TNR: variants seen among roughly 807,000 people sequenced by gnomAD.
The protein encoded by TNR is tenascin R.
In TNR, 45 loss-of-function variants were observed where a neutral mutation model predicts 150.4. The ratio of observed to expected loss-of-function variants is 0.30; its 90% CI spans 0.24 to 0.38. The LOEUF is 0.38. Ranked by LOEUF, TNR falls within the 10% of genes least tolerant of loss-of-function variation. The pLI, the probability that TNR is intolerant of heterozygous loss-of-function variation, is 1.00. For synonymous variants in TNR, 687 were observed against 678.4 expected, an observed-to-expected ratio of 1.01 and a Z score of -0.20; for missense variants, 1,544 against 1,759.1, an observed-to-expected ratio of 0.88 and a Z score of 2.19.
chr1:175,604,487 A>G (rs1413933687), intron 1 of TNR, among the ~76,000 whole-genome samples: 1 of 152,172 alleles, frequency 6.6e-6, no homozygotes, highest in Non-Finnish European at 1.5e-5. Context: ...AGGTCACCCA[A>G]GGTCACAGTG....
intron 1 of TNR, among the ~76,000 whole-genome samples, chr1:175,620,656 A>T (rs1663941788): frequency 6.6e-6 from 1 of 152,172 alleles, no homozygotes; most frequent in Non-Finnish European, 1.5e-5. Flanking sequence ...TAGGTGGTTC[A>T]AAGACTGAGG....
At chr1:175,544,912 T>C (rs2102192981) in intron 1 of TNR, among the ~76,000 whole-genome samples, 1 of 152,338 alleles carries the variant, frequency 6.6e-6, no homozygotes, top group South Asian at 2.1e-4. Context: ...TGATAGACAC[T>C]ATACCCAAGC....
chr1:175,420,634 GAACAC>G (rs1239913462), intron 2 of TNR, among the ~76,000 whole-genome samples: 1 of 152,150 alleles, frequency 6.6e-6, no homozygotes, highest in Non-Finnish European at 1.5e-5. Flanking sequence ...CAGAATAACA[GAACAC>G]CTGGTATTTG....
chr1:175,325,931 T>C (rs916274716), intron 21 of TNR, among the ~76,000 whole-genome samples: 3 of 152,064 alleles, frequency 2.0e-5, no homozygotes, highest in African/African-American at 7.2e-5. Flanking sequence ...GACAAGTTAA[T>C]GGGTGCAGCA....
chr1:175,498,872 C>T lies in TNR; in HGVS notation c.-64+29397G>A, dbSNP rs141557384. ...AGTATCATCATCTATTAATAATATG[C>T]GCTATGTTAACGTGGTTGTAGTTGC... On this transcript the variant is annotated intron_variant, in intron 2 of 22. Transcript: ENST00000367674. Among the ~76,000 whole-genome samples the T allele has an allele frequency of 3.1e-3, 465 of 152,274 alleles. 2 individuals carry two copies. The highest frequency in any genetic ancestry group is 0.011 in the African/African-American group (437 of 41,550).
intron 1 of TNR, among the ~76,000 whole-genome samples, chr1:175,663,181 C>T (rs911835257): frequency 3.9e-5 from 6 of 152,152 alleles, no homozygotes; most frequent in Admixed American, 6.5e-5. Context: ...CTCCCCAAGC[C>T]GCCACGCTGG....
chr1:175,335,610 C>T (rs1557871461), intron 20 of TNR, 101 bp downstream of exon 20: 2 of 1,204,588 alleles, frequency 1.7e-6, no homozygotes, highest in Non-Finnish European at 1.2e-6. Flanking sequence ...AGCTTCTCAA[C>T]AAACACAGGG....
chr1:175,422,748 C>A (rs1260643646), intron 2 of TNR, among the ~76,000 whole-genome samples: 1 of 152,200 alleles, frequency 6.6e-6, no homozygotes, highest in Non-Finnish European at 1.5e-5. Flanking sequence ...ATCCACACTC[C>A]CCAATTGTCT....
At chr1:175,740,460 CT>C (rs1423458811) in intron 1 of TNR, among the ~76,000 whole-genome samples, 2 of 152,000 alleles carry the variant, frequency 1.3e-5, no homozygotes, top group Non-Finnish European at 2.9e-5. Flanking sequence ...AATAATGGCG[CT>C]TTCCAGGTAA....
intron 1 of TNR, among the ~76,000 whole-genome samples, chr1:175,628,803 G>A (rs1357062674): frequency 6.6e-6 from 1 of 152,190 alleles, no homozygotes; most frequent in Non-Finnish European, 1.5e-5. Context: ...CCCATCCATC[G>A]TCTTCAATGG....
chr1:175,387,818 T>A (rs61806423), intron 7 of TNR, among the ~76,000 whole-genome samples: 8,676 of 152,292 alleles, frequency 0.057, 319 homozygotes, highest in Middle Eastern at 0.17. Flanking sequence ...CCTTGAGGCT[T>A]TCAGTTTTTC....
At chr1:175,475,170 T>A (rs959124491) in intron 2 of TNR, among the ~76,000 whole-genome samples, 2 of 152,154 alleles carry the variant, frequency 1.3e-5, no homozygotes, top group Admixed American at 1.3e-4. Flanking sequence ...TCCCTCTATT[T>A]CCTGGCACTG....
At chr1:175,370,964 C>T (rs1222322239) in intron 9 of TNR, among the ~76,000 whole-genome samples, 1 of 151,822 alleles carries the variant, frequency 6.6e-6, no homozygotes, top group Non-Finnish European at 1.5e-5. Flanking sequence ...GTGGGACTTG[C>T]TTATAGGTTT....
intron 2 of TNR, among the ~76,000 whole-genome samples, chr1:175,439,682 A>T (rs2102079531): frequency 6.6e-6 from 1 of 152,242 alleles, no homozygotes; most frequent in East Asian, 1.9e-4. Flanking sequence ...TTTACAAGAA[A>T]AAACAAACAA....
At chr1:175,454,983 G>A (rs1290660508) in intron 2 of TNR, among the ~76,000 whole-genome samples, 4 of 152,162 alleles carry the variant, frequency 2.6e-5, no homozygotes, top group Non-Finnish European at 5.9e-5. Flanking sequence ...TGGAGGAAGT[G>A]ATGTTCTGTG....
chr1:175,331,896 T>C (rs1420894993), intron 20 of TNR, among the ~76,000 whole-genome samples: 1 of 152,218 alleles, frequency 6.6e-6, no homozygotes, highest in African/African-American at 2.4e-5. Flanking sequence ...CCAGATCTTT[T>C]GGCTTTCCTG....
Position 175,574,134 on chromosome 1 carries a change from C to A in TNR, c.-164-45765G>T, listed in dbSNP as rs1662004573. ...GCTCCCAACTTCCTCTGTCAGGGATCCTAAACCTAGTTAAGTGCTGTGGAT... is the reference window on the plus strand; with the variant it reads ...GCTCCCAACTTCCTCTGTCAGGGATACTAAACCTAGTTAAGTGCTGTGGAT... On this transcript the variant is annotated intron_variant, in intron 1 of 22. Coordinates refer to ENST00000367674, the MANE Select transcript of TNR (RefSeq NM_003285.3). Among the ~76,000 whole-genome samples the A allele has an allele frequency of 1.3e-5, 2 of 152,090 alleles. 1 individual carries two copies. The highest frequency in any genetic ancestry group is 4.1e-4 in the South Asian group (2 of 4,832).
In TNR at chr1:175,363,777, C is replaced by G. The variant is rs371202214; in HGVS notation, c.2638G>C (p.Val880Leu). The G allele has an allele frequency of 6.2e-7, 1 of 1,613,960 alleles. No individual in the cohort carries two copies. The highest frequency in any genetic ancestry group is 8.5e-7 in the Non-Finnish European group (1 of 1,179,864). ...ACAGGAGGGCTCCAGGAGACCATCA[C>G]TGAGTCCTTGGTCACATTGCTAATT... is the stretch of plus-strand genomic sequence containing the variant. The part of the protein sequence containing the change: ...ITISNVTKDS[V>L]MVSWSPPVAS... Residue 880 changes from valine to leucine, a missense_variant, in exon 13 of 23, where the codon GTG becomes CTG. Physicochemically the swap from Val to Leu is conservative, Grantham distance 32. Transcript: ENST00000367674.
At chr1:175,471,833 T>C (rs565783054) in intron 2 of TNR, among the ~76,000 whole-genome samples, 50 of 152,346 alleles carry the variant, frequency 3.3e-4, no homozygotes, top group South Asian at 2.7e-3. Context: ...TTTTAAAACG[T>C]TTTGACTCTT....
Sources: gnomAD v4.1 joint callset for allele counts (sites outside exome capture counted in the v4.1 genomes callset) on GRCh38, gnomAD v4.1.1 for gene constraint, MANE v1.5 for transcripts, NCBI Gene and HGNC (gene_info 2026-07-23, HGNC 2026-07-21) for gene names.